USP24: variants seen among roughly 807,000 people sequenced by gnomAD.
USP24 encodes ubiquitin specific peptidase 24, also known as ubiquitin carboxyl-terminal hydrolase 24.
In USP24, 97 loss-of-function variants were observed where a neutral mutation model predicts 361.6. The observed-to-expected ratio is 0.27, with a 90% CI of 0.23 to 0.32. The LOEUF is 0.32. USP24 is among the 10% of genes least tolerant of loss of function. USP24 has a pLI of 1.00. For synonymous variants in USP24, 1,098 were observed against 1,124.6 expected (o/e 0.98, Z 0.47); for missense variants, 2,353 against 3,165.6 (o/e 0.74, Z 6.16).
intron 8 of USP24, 46 bp downstream of exon 8, chr1:55,162,153 G>C (rs956218557): frequency 2.6e-6 from 4 of 1,529,544 alleles, no homozygotes; most frequent in Non-Finnish European, 3.5e-6. Context: ...ATTACTGTTT[G>C]CATGTCTTCA....
At chr1:55,088,161 G>C (rs532580558) in intron 55 of USP24, among the ~76,000 whole-genome samples, 1 of 152,290 alleles carries the variant, frequency 6.6e-6, no homozygotes, top group Non-Finnish European at 1.5e-5. Flanking sequence ...AAAAAGAACA[G>C]GTCTGTTGCT....
At chr1:55,171,752 T>C (rs1649471896) in intron 4 of USP24, 74 bp from the exon 5 acceptor site, 1 of 1,483,696 alleles carries the variant, frequency 6.7e-7, no homozygotes, top group Non-Finnish European at 9.1e-7. Flanking sequence ...GAAAAGAAGA[T>C]AAAAATATAG....
chr1:55,137,755 T>A, intron 27 of USP24, 51 bp downstream of exon 27: 4 of 1,545,522 alleles, frequency 2.6e-6, no homozygotes, highest in Non-Finnish European at 3.5e-6. Context: ...TCAGGCTAAA[T>A]ATTTATATTA....
rs150838619 is a variant in USP24 at position 55,108,633 on chromosome 1, C to T, written c.4571-1203G>A. 6.0e-4 allele frequency among the ~76,000 whole-genome samples: 92 copies of T among 152,332 alleles called. 1 individual carries two copies. Among genetic ancestry groups the T allele is most frequent in the African/African-American group, 2.0e-3 (85 of 41,574 alleles). ...CATGTTATTACCCGAGAATTCCCCT[C>T]ACCTCCCAAGATCTTAACAAGAGAT... On this transcript the variant is annotated intron_variant, in intron 39 of 67. Coordinates refer to ENST00000294383, the MANE Select transcript of USP24 (RefSeq NM_015306.3).
chr1:55,194,470 G>C (rs1644366428), intron 1 of USP24, among the ~76,000 whole-genome samples: 1 of 152,136 alleles, frequency 6.6e-6, no homozygotes, highest in Non-Finnish European at 1.5e-5. Flanking sequence ...AGAGCAGTGA[G>C]CTCACACCTG....
intron 1 of USP24, among the ~76,000 whole-genome samples, chr1:55,201,493 C>T (rs997364519): frequency 1.4e-5 from 2 of 146,040 alleles, no homozygotes; most frequent in Admixed American, 7.0e-5. Flanking sequence ...CCCAGCCACT[C>T]GGGAGGCTGA....
In USP24 at chr1:55,173,915, A is replaced by C. The variant is rs549848329; in HGVS notation, c.559-1395T>G. ...AAATAAAAATGTATGTGGATTAAGC[A>C]GCAATCCCTCTGGCACCATTCCATT... On this transcript the variant is annotated intron_variant, in intron 3 of 67. Transcript: ENST00000294383. Among the ~76,000 whole-genome samples, 9 of 152,366 alleles carry C rather than the reference A, an allele frequency of 5.9e-5. No homozygotes were observed. In the South Asian group the frequency reaches 1.4e-3, roughly 25 times the overall value.
intron 1 of USP24, among the ~76,000 whole-genome samples, chr1:55,199,278 G>A (rs1414796557): frequency 1.3e-5 from 2 of 151,602 alleles, no homozygotes; most frequent in South Asian, 2.1e-4. Context: ...GACAGAGCGA[G>A]ACTCTGTTTC....
intron 38 of USP24, among the ~76,000 whole-genome samples, chr1:55,119,126 T>G (rs1478727869): frequency 6.6e-6 from 1 of 152,238 alleles, no homozygotes. Flanking sequence ...CATACCCATG[T>G]TTGTAGCTGC....
intron 41 of USP24, among the ~76,000 whole-genome samples, chr1:55,104,903 A>C (rs968135556): frequency 2.0e-5 from 3 of 152,234 alleles, no homozygotes; most frequent in African/African-American, 7.2e-5. Flanking sequence ...AAGTTGCTTT[A>C]TTACTGTGAT....
At chr1:55,137,948 T>C in intron 26 of USP24, 44 bp from the exon 27 acceptor site, 1 of 1,531,034 alleles carries the variant, frequency 6.5e-7, no homozygotes, top group South Asian at 1.2e-5. Flanking sequence ...TTCATTTATT[T>C]ATTCATTTAA....
rs1644853065 is a variant in USP24 at position 55,068,088 on chromosome 1, T to C, written c.*957A>G. 1 of 152,226 alleles carries C rather than the reference T, an allele frequency of 6.6e-6. No individual in the cohort carries two copies. The highest frequency in any genetic ancestry group is 2.1e-4 in the South Asian group (1 of 4,832). The allele number at this position is 152,226 out of a possible 1,614,324, so 9.4% of individuals were successfully genotyped here. A position where few individuals can be genotyped will look rare whatever the true frequency, so the allele number is the denominator to read the frequency against. ...AATAGTTAACTTCATATACAACCAA[T>C]ACCAAGGGTTTCAGTAATTATGTTT... On this transcript the variant is annotated 3_prime_UTR_variant, in exon 68 of 68. Transcript: ENST00000294383.
intron 54 of USP24, among the ~76,000 whole-genome samples, chr1:55,091,440 A>G (rs189623851): frequency 5.4e-4 from 82 of 152,258 alleles, no homozygotes; most frequent in Non-Finnish European, 9.7e-4. Context: ...TGCTAAAAAT[A>G]TTGGAGGCTG....
Position 55,068,986 on chromosome 1 carries a change from A to G in USP24, c.*59T>C. On this transcript the variant is annotated 3_prime_UTR_variant, in exon 68 of 68. Coordinates refer to ENST00000294383, the MANE Select transcript of USP24 (RefSeq NM_015306.3). ...CCAAAGGGTTCGAGATTCTGATTCC[A>G]AGAAGGTGCTGAGCATCCAGTATTG... 2 of 1,575,810 alleles carry G rather than the reference A, an allele frequency of 1.3e-6. No homozygotes were observed. The highest frequency in any genetic ancestry group is 1.7e-6 in the Non-Finnish European group (2 of 1,146,098).
intron 16 of USP24, among the ~76,000 whole-genome samples, chr1:55,152,969 G>A (rs1557642414): frequency 1.3e-5 from 2 of 152,146 alleles, no homozygotes; most frequent in Non-Finnish European, 2.9e-5. Flanking sequence ...AAAAGCCAAG[G>A]AATATGTTTT....
rs150821727 is a variant in USP24 at position 55,151,519 on chromosome 1, C to A, written c.1860+2351G>T. ...CAACATTTGCTAAAAGCCTGTCAGG[C>A]GCTATGGTAGGTGGCCTGAAGATAA... On this transcript the variant is annotated intron_variant, in intron 16 of 67. Coordinates refer to ENST00000294383, the MANE Select transcript of USP24 (RefSeq NM_015306.3). Among the ~76,000 whole-genome samples, 7 of 152,122 alleles carry A rather than the reference C, an allele frequency of 4.6e-5. No individual in the cohort carries two copies. In the South Asian group the frequency reaches 8.3e-4, roughly 18 times the overall value.
Position 55,102,303 on chromosome 1 carries a change from C to T in USP24, c.5026-600G>A, listed in dbSNP as rs148071581. 2.5e-3 allele frequency among the ~76,000 whole-genome samples: 385 copies of T among 152,254 alleles called. 2 individuals carry two copies. Among genetic ancestry groups the T allele is most frequent in the African/African-American group, 8.4e-3 (350 of 41,560 alleles). On this transcript the variant is annotated intron_variant, in intron 42 of 67. Coordinates refer to ENST00000294383, the MANE Select transcript of USP24 (RefSeq NM_015306.3). Reference sequence around the variant, plus strand: ...AACATATAATTAAATAGGTGACTATCCTACCATTTTACTTACAGGTGTTTT... The same window carrying T: ...AACATATAATTAAATAGGTGACTATTCTACCATTTTACTTACAGGTGTTTT...
At chr1:55,102,355 C>A (rs538324915) in intron 42 of USP24, among the ~76,000 whole-genome samples, 1 of 152,140 alleles carries the variant, frequency 6.6e-6, no homozygotes, top group Non-Finnish European at 1.5e-5. Flanking sequence ...CAGTACAGTG[C>A]TTTTCTGGGT....
At chr1:55,213,834 C>A (rs1250152950) in intron 1 of USP24, among the ~76,000 whole-genome samples, 1 of 152,142 alleles carries the variant, frequency 6.6e-6, no homozygotes, top group African/African-American at 2.4e-5. Flanking sequence ...TCCACCTAGA[C>A]TTGAGGTCTC....
Sources: gnomAD v4.1 joint callset for allele counts (sites outside exome capture counted in the v4.1 genomes callset) on GRCh38, gnomAD v4.1.1 for gene constraint, MANE v1.5 for transcripts, NCBI Gene and HGNC (gene_info 2026-07-23, HGNC 2026-07-21) for gene names.